The following EEF2 variants were observed in gnomAD, a reference collection of about 807,000 sequenced individuals.
EEF2 encodes eukaryotic translation elongation factor 2.
In EEF2, 21 loss-of-function variants were observed where a neutral mutation model predicts 85.3. That is an observed-to-expected ratio of 0.25 (90% confidence interval 0.17 to 0.35). The LOEUF is 0.35. Among genes scored for constraint, EEF2 ranks in the 10% least tolerant of loss-of-function variants. The pLI is 1.00. For missense variants in EEF2, 825 were observed against 1,225.3 expected (o/e 0.67, Z 4.88); for synonymous variants, 723 against 508.8 (o/e 1.42, Z -5.67).
chr19:3,977,473 G>A lies in EEF2; in HGVS notation c.2205C>T (p.Thr735=), dbSNP rs2230564. Residue 735 remains threonine, a synonymous_variant, in exon 13 of 15, where the codon ACC becomes ACT. Coordinates refer to ENST00000309311, the MANE Select transcript of EEF2 (RefSeq NM_001961.4). This position sits in a 1 kb window ranked among gnomAD's most constrained non-coding sequence, Gnocchi z 5.4. ...TGGGCTCCATGAGGCGTGGCTGGGC[G>A]GTCAGCACACTGGCATAGAGGCAGC... ...ARRCLYASVL[T]AQPRLMEPIY... is the part of the protein sequence containing the mutation. 1.5e-3 allele frequency: 2,403 copies of A among 1,584,360 alleles called. 32 individuals are homozygous for A. In the African/African-American group the frequency reaches 0.028, roughly 18 times the overall value.
At position 3,983,219 on chromosome 19, in the gene EEF2, G is replaced by A. The variant is rs951694156; in HGVS notation, c.291C>T (p.Gly97=). Residue 97 remains glycine, a synonymous_variant, in exon 3 of 15, where the codon GGC becomes GGT. Coordinates refer to ENST00000309311, the MANE Select transcript of EEF2 (RefSeq NM_001961.4). ...NFIKQSKDGA[G]FLINLIDSPG... The stretch of plus-strand genomic sequence containing the variant: ...GGGAGTCAATGAGGTTGATGAGGAA[G>A]CCGGCACCGTCCTTGCTCTGCTTGA... 1.2e-6 allele frequency: 2 copies of A among 1,614,052 alleles called. No individual in the cohort carries two copies. The highest frequency in any genetic ancestry group is 8.5e-7 in the Non-Finnish European group (1 of 1,180,006).
intron 7 of EEF2, 56 bp downstream of exon 7, chr19:3,981,283 A>G (rs1172861134): frequency 1.2e-5 from 19 of 1,541,932 alleles, no homozygotes; most frequent in Admixed American, 1.2e-4. Flanking sequence ...CTGTCAGAGC[A>G]TCCGGAAACA....
intron 6 of EEF2, 59 bp from the exon 7 acceptor site, chr19:3,981,511 C>T (rs888746293): frequency 2.0e-6 from 3 of 1,495,464 alleles, no homozygotes; most frequent in South Asian, 1.1e-5. Context: ...GGAAGCCTGG[C>T]ACTGCTTCCT....
Position 3,976,536 on chromosome 19 carries a change from C to T in EEF2, c.*18G>A, listed in dbSNP as rs755442110. ...TGCTGCGAGTCCCCGGGGCGGCAGG[C>T]GCTGCAGGAAGGGCCGCCTACAATT... is the stretch of plus-strand genomic sequence containing the variant. On this transcript the variant is annotated 3_prime_UTR_variant, in exon 15 of 15. Coordinates refer to ENST00000309311, the MANE Select transcript of EEF2 (RefSeq NM_001961.4). 8.2e-6 allele frequency: 13 copies of T among 1,589,900 alleles called. No homozygotes were observed. Among genetic ancestry groups the T allele is most frequent in the African/African-American group, 4.0e-5 (3 of 74,302 alleles).
intron 1 of EEF2, chr19:3,984,961 GT>G (rs2039801417): frequency 4.9e-6 from 1 of 203,472 alleles, no homozygotes. Flanking sequence ...AGCCTTTCAG[GT>G]GTCGCTTTGC....
At chr19:3,981,130 C>T (rs780425811) in intron 7 of EEF2, 151 bp from the exon 8 acceptor site, 52 of 1,321,530 alleles carry the variant, frequency 3.9e-5, no homozygotes, top group Admixed American at 5.0e-5. Context: ...AAAGGCCATG[C>T]ACACTCCTGC....
chr19:3,978,855 C>A (rs928163593), intron 11 of EEF2, among the ~76,000 whole-genome samples: 1 of 138,124 alleles, frequency 7.2e-6, no homozygotes, highest in African/African-American at 2.7e-5. Flanking sequence ...GGCATGGTGG[C>A]TCACACCTGT....
Position 3,977,246 on chromosome 19 carries a change from G to C in EEF2, c.2352C>G (p.Val784=). Residue 784 remains valine, a synonymous_variant, in exon 14 of 15, where the codon GTC becomes GTG. Coordinates refer to ENST00000309311, the MANE Select transcript of EEF2 (RefSeq NM_001961.4). The surrounding 1 kb of genome is among the most constrained non-coding windows in gnomAD (Gnocchi z 5.4). ...ACTCGTTGACGGGCAGATAGGCCTT[G>C]ACCACAAACATGGGGGTGCCGGCCA... ...SQVAGTPMFV[V]KAYLPVNESF... 2 of 1,613,760 alleles carry C rather than the reference G, an allele frequency of 1.2e-6. No individual in the cohort carries two copies. The highest frequency in any genetic ancestry group is 1.7e-6 in the Non-Finnish European group (2 of 1,179,952).
At chr19:3,979,659 G>C in intron 10 of EEF2, 149 bp downstream of exon 10, 1 of 1,268,868 alleles carries the variant, frequency 7.9e-7, no homozygotes, top group East Asian at 2.3e-5. Context: ...CTGGGCAGGA[G>C]TCTCCATTTA....
intron 11 of EEF2, 52 bp from the exon 12 acceptor site, chr19:3,978,224 C>T: frequency 7.2e-7 from 1 of 1,395,522 alleles, no homozygotes. Context: ...GGTGACCTTA[C>T]ACACAGACGC....
At position 3,985,454 on chromosome 19, in the gene EEF2, G is replaced by T. The variant is rs566467243; in HGVS notation, c.-74C>A. The T allele has an allele frequency of 1.4e-6, 2 of 1,413,318 alleles. No homozygotes were observed. Among genetic ancestry groups the T allele is most frequent in the Non-Finnish European group, 1.9e-6 (2 of 1,072,284 alleles). The allele number at this position is 1,413,318 out of a possible 1,614,324, so 87.5% of individuals were successfully genotyped here. ...TCGCGCCGAGGATGGCGGCGACGAC[G>T]GCGGAAGAGAACGCTGACGTCAACA... On this transcript the variant is annotated 5_prime_UTR_variant, in exon 1 of 15. Coordinates refer to ENST00000309311, the MANE Select transcript of EEF2 (RefSeq NM_001961.4).
Position 3,980,047 on chromosome 19 carries a change from G to A in EEF2, c.1366C>T (p.Arg456Cys), listed in dbSNP as rs2039725943. The A allele has an allele frequency of 1.2e-6, 2 of 1,613,274 alleles. No individual in the cohort carries two copies. Among genetic ancestry groups the A allele is most frequent in the Non-Finnish European group, 1.7e-6 (2 of 1,179,944 alleles). ...ACATCCTCGATGGGCTCCACGTAGCGGCCCATCATCAAGATTGTTCTGGAA... is the reference window on the plus strand; with the variant it reads ...ACATCCTCGATGGGCTCCACGTAGCAGCCCATCATCAAGATTGTTCTGGAA... Reference protein sequence around the residue: ...PIQRTILMMGRYVEPIEDVPC... With the variant: ...PIQRTILMMGCYVEPIEDVPC... Residue 456 changes from arginine to cysteine, a missense_variant, in exon 10 of 15, where the codon CGC becomes TGC. Physicochemically the swap from Arg to Cys is radical, Grantham distance 180. Coordinates refer to ENST00000309311, the MANE Select transcript of EEF2 (RefSeq NM_001961.4).
In EEF2 at chr19:3,976,865, C is replaced by T. The variant is rs62130414; in HGVS notation, c.2384-118G>A. ...TGAGTCACCCTGCAGACCAGACACTCGGCCTGGTGCCCAGCACTTCACGAA... is the reference window on the plus strand; with the variant it reads ...TGAGTCACCCTGCAGACCAGACACTTGGCCTGGTGCCCAGCACTTCACGAA... On this transcript the variant is annotated intron_variant, in intron 14 of 14. Coordinates refer to ENST00000309311, the MANE Select transcript of EEF2 (RefSeq NM_001961.4). The T allele has an allele frequency of 0.093, 110,592 of 1,187,112 alleles. 5,809 individuals are homozygous for T. Among genetic ancestry groups the T allele is most frequent in the South Asian group, 0.18 (11,123 of 62,048 alleles). The allele number at this position is 1,187,112 out of a possible 1,614,324, so 73.5% of individuals were successfully genotyped here.
Position 3,979,689 on chromosome 19 carries a change from C to G in EEF2, c.1605+119G>C, listed in dbSNP as rs556349833. Reference sequence around the variant, plus strand: ...CATTTACAGCCACAGCCAAGAACCCCTCCTTTCATGACCAGTCACCCCAAT... The same window carrying G: ...CATTTACAGCCACAGCCAAGAACCCGTCCTTTCATGACCAGTCACCCCAAT... On this transcript the variant is annotated intron_variant, in intron 10 of 14. Transcript: ENST00000309311. 157 of 1,458,346 alleles carry G rather than the reference C, an allele frequency of 1.1e-4. No individual in the cohort carries two copies. In the African/African-American group the frequency reaches 2.1e-3, roughly 20 times the overall value. The allele number at this position is 1,458,346 out of a possible 1,614,324, so 90.3% of individuals were successfully genotyped here.
At chr19:3,982,461 C>A (rs768998324) in intron 4 of EEF2, 37 bp from the exon 5 acceptor site, 2 of 1,613,130 alleles carry the variant, frequency 1.2e-6, no homozygotes, top group South Asian at 1.1e-5. Flanking sequence ...CCGTGAGGGC[C>A]CCTGCGCAGA....
Position 3,979,158 on chromosome 19 carries a change from G to C in EEF2, c.1713+171C>G, listed in dbSNP as rs62130415. 0.13 allele frequency among the ~76,000 whole-genome samples: 19,554 copies of C among 152,062 alleles called. 1,620 individuals are homozygous for C. The highest frequency in any genetic ancestry group is 0.22 in the African/African-American group (9,257 of 41,476). ...AAAAACAACAACAACAACAAAAACA[G>C]CCCCACATGCCTGTGGAAGACTGCA... On this transcript the variant is annotated intron_variant, in intron 11 of 14. Coordinates refer to ENST00000309311, the MANE Select transcript of EEF2 (RefSeq NM_001961.4).
At chr19:3,981,095 A>G in intron 7 of EEF2, 116 bp from the exon 8 acceptor site, 6 of 1,446,500 alleles carry the variant, frequency 4.1e-6, no homozygotes, top group Admixed American at 2.4e-5. Flanking sequence ...CGTTCTCCAA[A>G]GCACAGTCCC....
At position 3,980,497 on chromosome 19, in the gene EEF2, A is replaced by G. The variant is rs1415844735; in HGVS notation, c.1346+17T>C. On this transcript the variant is annotated intron_variant, in intron 9 of 14. Transcript: ENST00000309311. Reference sequence around the variant, plus strand: ...CGCAACAGTGCCAAGGGGCCTGCACATCACCCAGCTGCTCACCTCTGGATT... The same window carrying G: ...CGCAACAGTGCCAAGGGGCCTGCACGTCACCCAGCTGCTCACCTCTGGATT... 1 of 1,606,230 alleles carries G rather than the reference A, an allele frequency of 6.2e-7. No individual in the cohort carries two copies. Among genetic ancestry groups the G allele is most frequent in the Non-Finnish European group, 8.5e-7 (1 of 1,175,074 alleles).
At position 3,977,370 on chromosome 19, in the gene EEF2, T is replaced by G. The variant is rs1217920136; in HGVS notation, c.2251-23A>C. The G allele has an allele frequency of 6.3e-7, 1 of 1,590,946 alleles. No homozygotes were observed. Among genetic ancestry groups the G allele is most frequent in the African/African-American group, 1.3e-5 (1 of 74,710 alleles). The stretch of plus-strand genomic sequence containing the variant: ...ACACTGCCAGAAGGGAAAGAAAACC[T>G]GTCAGTGGCCGCTGGGCAGGACGGT... On this transcript the variant is annotated intron_variant, in intron 13 of 14. Transcript: ENST00000309311. This position sits in a 1 kb window ranked among gnomAD's most constrained non-coding sequence, Gnocchi z 5.4.
Sources: gnomAD v4.1 joint callset for allele counts (sites outside exome capture counted in the v4.1 genomes callset) on GRCh38, gnomAD v4.1.1 for gene constraint, Gnocchi (gnomAD v3.1) non-coding constraint, MANE v1.5 for transcripts, NCBI Gene and HGNC (gene_info 2026-07-23, HGNC 2026-07-21) for gene names.